Variants in SAMSN1 observed in about 807,000 individuals in gnomAD.
SAMSN1 encodes the protein SAM domain, SH3 domain and nuclear localization signals 1.
Under a neutral mutation model 42.0 loss-of-function variants are expected in SAMSN1, and 31 were observed. The observed-to-expected ratio is 0.74, with a 90% confidence interval of 0.55 to 1.00. The LOEUF is 1.00. Among genes scored for constraint, SAMSN1 ranks in the 50% least tolerant of loss-of-function variants. SAMSN1 has a pLI of 0.00. For synonymous variants in SAMSN1, 178 were observed against 151.9 expected, an observed-to-expected ratio of 1.17 and a Z score of -1.26; for missense variants, 464 against 439.4, an observed-to-expected ratio of 1.06 and a Z score of -0.50.
chr21:14,562,809 G>T (rs185861465), intron 2 of SAMSN1, among the ~76,000 whole-genome samples: 13 of 152,098 alleles, frequency 8.5e-5, no homozygotes, highest in Non-Finnish European at 1.9e-4. Flanking sequence ...TCAATACTAA[G>T]GATACTGTAA....
intron 6 of SAMSN1, among the ~76,000 whole-genome samples, chr21:14,599,444 C>T (rs989238637): frequency 6.6e-6 from 1 of 152,160 alleles, no homozygotes; most frequent in Non-Finnish European, 1.5e-5. Context: ...GAGGCCTCCC[C>T]AGCAAGGCAA....
At chr21:14,494,495 G>A (rs1051416082) in intron 7 of SAMSN1, among the ~76,000 whole-genome samples, 4 of 152,104 alleles carry the variant, frequency 2.6e-5, no homozygotes, top group Admixed American at 2.6e-4. Flanking sequence ...CTCACAAGTG[G>A]GAGTTGAACA....
chr21:14,546,196 T>C lies in SAMSN1; in HGVS notation c.57+9A>G, dbSNP rs766939062. On this transcript the variant is annotated intron_variant, in intron 1 of 7. Transcript: ENST00000400566. The stretch of plus-strand genomic sequence containing the variant: ...TGATTTTATTTAACTATGTATGAAA[T>C]CACCTTACCTTTGGTTTTTGATGTT... The C allele has an allele frequency of 1.2e-6, 2 of 1,609,744 alleles. No individual in the cohort carries two copies. Among genetic ancestry groups the C allele is most frequent in the Admixed American group, 3.3e-5 (2 of 59,886 alleles).
intron 1 of SAMSN1, among the ~76,000 whole-genome samples, chr21:14,537,393 C>A (rs1412238291): frequency 6.6e-6 from 1 of 151,988 alleles, no homozygotes; most frequent in Non-Finnish European, 1.5e-5. Context: ...TTCTTCTTGG[C>A]ACCTATCATT....
At chr21:14,561,726 AG>A (rs1980953422) in intron 2 of SAMSN1, among the ~76,000 whole-genome samples, 1 of 152,250 alleles carries the variant, frequency 6.6e-6, no homozygotes, top group Admixed American at 6.5e-5. Context: ...CATATGAAGC[AG>A]GGTGAACCCT....
intron 2 of SAMSN1, among the ~76,000 whole-genome samples, chr21:14,626,936 A>T (rs1465181290): frequency 6.6e-6 from 1 of 152,240 alleles, no homozygotes; most frequent in Admixed American, 6.5e-5. Flanking sequence ...ACCATGGAAT[A>T]CTATGCAGCC....
upstream of SAMSN1, among the ~76,000 whole-genome samples, chr21:14,584,132 GTTCAAAGTTGCTA>G (rs968094507): frequency 1.3e-5 from 2 of 152,012 alleles, no homozygotes; most frequent in African/African-American, 4.8e-5. Flanking sequence ...GGAACAAGAG[GTTCAAAGTTGCTA>G]TTTGCTAGTA....
intron 2 of SAMSN1, among the ~76,000 whole-genome samples, chr21:14,626,449 C>A (rs572351102): frequency 6.6e-6 from 1 of 152,180 alleles, no homozygotes; most frequent in African/African-American, 2.4e-5. Context: ...AACAAACAAC[C>A]CCATCAAAAA....
intron 1 of SAMSN1, among the ~76,000 whole-genome samples, chr21:14,536,636 G>A (rs1208796425): frequency 1.3e-5 from 2 of 152,096 alleles, no homozygotes; most frequent in African/African-American, 4.8e-5. Flanking sequence ...TTATTTAAAA[G>A]GTGCACTACG....
intron 3 of SAMSN1, among the ~76,000 whole-genome samples, chr21:14,513,809 G>C (rs867746061): frequency 1.3e-5 from 2 of 152,190 alleles, no homozygotes. Flanking sequence ...CAAAATAATT[G>C]AACTCAGAAT....
intron 5 of SAMSN1, 102 bp downstream of exon 5, chr21:14,510,208 A>C (rs1987622452): frequency 8.9e-7 from 1 of 1,124,740 alleles, no homozygotes; most frequent in Admixed American, 1.8e-5. Flanking sequence ...TGTTGGGAAG[A>C]ACACACTCAC....
chr21:14,586,765 C>T (rs1180021255), upstream of SAMSN1, among the ~76,000 whole-genome samples: 1 of 152,044 alleles, frequency 6.6e-6, no homozygotes, highest in African/African-American at 2.4e-5. Context: ...GAGAAGGAAC[C>T]AGATATGTGA....
chr21:14,527,060 G>A (rs987369716), intron 1 of SAMSN1, among the ~76,000 whole-genome samples: 1 of 152,210 alleles, frequency 6.6e-6, no homozygotes, highest in Non-Finnish European at 1.5e-5. Context: ...GCACACATCT[G>A]CAGTACTTTG....
chr21:14,547,753 A>C (rs2123170292), upstream of SAMSN1, among the ~76,000 whole-genome samples: 1 of 152,334 alleles, frequency 6.6e-6, no homozygotes, highest in Non-Finnish European at 1.5e-5. Context: ...TATTTAATAA[A>C]TATTAAATTG....
chr21:14,543,734 T>G (rs954582873), intron 1 of SAMSN1, among the ~76,000 whole-genome samples: 2 of 152,152 alleles, frequency 1.3e-5, no homozygotes, highest in African/African-American at 4.8e-5. Flanking sequence ...ATTTTTTATA[T>G]TGTCAGTTTT....
At chr21:14,647,520 A>C (rs1158237816) in intron 1 of SAMSN1, among the ~76,000 whole-genome samples, 2 of 148,926 alleles carry the variant, frequency 1.3e-5, no homozygotes, top group African/African-American at 2.5e-5. Flanking sequence ...CAATTCTGTG[A>C]AGAAAGGCAT....
chr21:14,578,791 G>T lies in SAMSN1; in HGVS notation c.261+3345C>A, dbSNP rs376006637. On this transcript the variant is annotated intron_variant, in intron 2 of 8. Transcript: ENST00000285670. Reference sequence around the variant, plus strand: ...AGATTAGATTCATTTCCCATGAAATGTGGGGTTTAGGCCCAGCTCCATCAT... The same window carrying T: ...AGATTAGATTCATTTCCCATGAAATTTGGGGTTTAGGCCCAGCTCCATCAT... 2.1e-4 allele frequency among the ~76,000 whole-genome samples: 31 copies of T among 150,930 alleles called. 1 individual carries two copies. In the East Asian group the frequency reaches 5.9e-3, roughly 29 times the overall value.
chr21:14,575,964 A>G (rs563949744), intron 2 of SAMSN1, among the ~76,000 whole-genome samples: 2 of 152,306 alleles, frequency 1.3e-5, no homozygotes, highest in African/African-American at 2.4e-5. Flanking sequence ...CTGTTTATCA[A>G]ATAGGTAGAG....
intron 2 of SAMSN1, among the ~76,000 whole-genome samples, chr21:14,576,659 A>G (rs1486577846): frequency 1.4e-5 from 2 of 145,672 alleles, no homozygotes; most frequent in African/African-American, 5.5e-5. Flanking sequence ...TTTTTCCATC[A>G]TCCACACGAT....
Sources: gnomAD v4.1 joint callset for allele counts (sites outside exome capture counted in the v4.1 genomes callset) on GRCh38, gnomAD v4.1.1 for gene constraint, MANE v1.5 for transcripts, NCBI Gene and HGNC (gene_info 2026-07-23, HGNC 2026-07-21) for gene names.